Variants in NPHP4 observed in about 807,000 individuals in gnomAD.
NPHP4 encodes nephrocystin 4.
NPHP4 carries 151 observed loss-of-function variants against 155.8 expected under a neutral mutation model. The ratio of observed to expected loss-of-function variants is 0.97; its 90% confidence interval spans 0.85 to 1.11. NPHP4 has a LOEUF of 1.11. Among genes scored for constraint, NPHP4 ranks in the 50% least tolerant of loss-of-function variants. The probability of loss-of-function intolerance (pLI) is 0.00; values close to 1 mark genes in which losing one functional copy is unlikely to be tolerated. For missense variants in NPHP4, 1,956 were observed against 1,925.7 expected (o/e 1.02, Z -0.29); for synonymous variants, 845 against 816.8 (o/e 1.03, Z -0.59).
At chr1:5,924,234 G>T (rs549362913) in intron 11 of NPHP4, among the ~76,000 whole-genome samples, 46 of 152,230 alleles carry the variant, frequency 3.0e-4, no homozygotes, top group African/African-American at 1.0e-3. Flanking sequence ...GAGTATCAGC[G>T]AGCTGTGAGG....
intron 3 of NPHP4, among the ~76,000 whole-genome samples, chr1:5,976,638 G>C (rs1653640738): frequency 6.6e-6 from 1 of 152,206 alleles, no homozygotes; most frequent in African/African-American, 2.4e-5. Context: ...AGAGGTATTT[G>C]CATTAGCTGT....
At chr1:5,878,414 G>A (rs1642846871) in intron 19 of NPHP4, among the ~76,000 whole-genome samples, 1 of 152,230 alleles carries the variant, frequency 6.6e-6, no homozygotes, top group Non-Finnish European at 1.5e-5. Context: ...TGTGAGTGGA[G>A]GGACCTGGGG....
At chr1:5,866,742 G>A (rs1024932880) in intron 25 of NPHP4, among the ~76,000 whole-genome samples, 1 of 152,066 alleles carries the variant, frequency 6.6e-6, no homozygotes, top group African/African-American at 2.4e-5. Context: ...TTTACATAAT[G>A]GTAATTAATA....
At chr1:5,974,976 A>G (rs928614001) in intron 3 of NPHP4, among the ~76,000 whole-genome samples, 3 of 152,230 alleles carry the variant, frequency 2.0e-5, no homozygotes, top group Admixed American at 6.5e-5. Context: ...AACACAGGCA[A>G]TTAGTAAAGC....
chr1:5,971,680 C>A (rs187364196), intron 3 of NPHP4, among the ~76,000 whole-genome samples: 17 of 152,330 alleles, frequency 1.1e-4, no homozygotes, highest in Admixed American at 9.8e-4. Flanking sequence ...CTCAGCCAGG[C>A]AGCACCCAGC....
In NPHP4 at chr1:5,875,012, C is replaced by A. The variant is rs770493717; in HGVS notation, c.2906G>T (p.Ser969Ile). The change falls in exon 21 of 30, where the codon AGC becomes ATC. Residue 969 changes from serine (S) to isoleucine (I), a missense_variant. Coordinates refer to ENST00000378156, the MANE Select transcript of NPHP4 (RefSeq NM_015102.5). ...CGTGGTGATGGCCAGGCTCAGCAGG[C>A]TGGCGATGCTCTCGGCCTTCGTGCG... ...RERTKAESIA[S>I]LLSLAITTEH... 1.2e-6 allele frequency: 2 copies of A among 1,611,614 alleles called. No homozygotes were observed. The highest frequency in any genetic ancestry group is 8.5e-7 in the Non-Finnish European group (1 of 1,179,864).
Position 5,887,417 on chromosome 1 carries a change from T to C in NPHP4, c.2354A>G (p.Glu785Gly). The change falls in exon 18 of 30, where the codon GAG (glutamate) becomes GGG (glycine). Residue 785 changes from glutamate to glycine, a missense_variant. Glu to Gly is a moderately conservative substitution (Grantham distance 98). Coordinates refer to ENST00000378156, the MANE Select transcript of NPHP4 (RefSeq NM_015102.5). ...RPAVQASHELEVVATEYEQDN... is the reference protein window; with the variant it reads ...RPAVQASHELGVVATEYEQDN... ...CTGCTCGTATTCAGTTGCCACGACCTCAAGCTCGTGGGAGGCCTGCACAGC... is the reference window on the plus strand; with the variant it reads ...CTGCTCGTATTCAGTTGCCACGACCCCAAGCTCGTGGGAGGCCTGCACAGC... 6.2e-7 allele frequency: 1 copy of C among 1,613,302 alleles called. No homozygotes were observed. Among genetic ancestry groups the C allele is most frequent in the Non-Finnish European group, 8.5e-7 (1 of 1,179,884 alleles).
At chr1:5,953,765 C>A (rs1305873398) in intron 6 of NPHP4, among the ~76,000 whole-genome samples, 2 of 152,252 alleles carry the variant, frequency 1.3e-5, no homozygotes, top group Non-Finnish European at 2.9e-5. Flanking sequence ...GCCTTCTCCA[C>A]TTGCTCTAGA....
chr1:5,868,234 C>T (rs1176882149), intron 23 of NPHP4: 2 of 394,436 alleles, frequency 5.1e-6, no homozygotes, highest in Admixed American at 3.5e-5. Flanking sequence ...CATGATCCCA[C>T]CTCCCGACAC....
Position 5,863,917 on chromosome 1 carries a change from C to A in NPHP4, c.4113G>T (p.Leu1371=), listed in dbSNP as rs747099663. The part of the protein sequence containing the change: ...TFHLHSDHPE[L]LRFREDSFQV... Reference sequence around the variant, plus strand: ...GGAAGGAGTCCTCTCTGAACCGCAGCAGCTCCGGGTGGTCGCTGTGCAGGT... The same window carrying A: ...GGAAGGAGTCCTCTCTGAACCGCAGAAGCTCCGGGTGGTCGCTGTGCAGGT... Residue 1371 remains leucine (L), a synonymous_variant, in exon 29 of 30, where the codon CTG becomes CTT. Coordinates refer to ENST00000378156, the MANE Select transcript of NPHP4 (RefSeq NM_015102.5). The A allele has an allele frequency of 3.1e-6, 5 of 1,613,992 alleles. No individual in the cohort carries two copies. The East Asian group carries it at 1.1e-4, about 36-fold the overall frequency.
intron 9 of NPHP4, among the ~76,000 whole-genome samples, chr1:5,934,882 T>C (rs1646456233): frequency 1.3e-5 from 2 of 152,136 alleles, no homozygotes; most frequent in South Asian, 4.1e-4. Context: ...AAGACTCCAG[T>C]GGTGGTGGCC....
rs763652381 is a variant in NPHP4 at position 5,948,095 on chromosome 1, T to C, written c.967A>G (p.Lys323Glu). 1.2e-6 allele frequency: 2 copies of C among 1,613,790 alleles called. No homozygotes were observed. The highest frequency in any genetic ancestry group is 1.3e-5 in the African/African-American group (1 of 74,906). Residue 323 changes from lysine to glutamate, a missense_variant, in exon 8 of 30, where the codon AAA (lysine) becomes GAA (glutamate). Physicochemically the swap from Lys to Glu is moderately conservative, Grantham distance 56. Transcript: ENST00000378156. ...CTGGTCTTGGAAGAGGAGACCACTT[T>C]CCTGCTGAAGCTAGCTGAGCGCGTC... ...ALTRSASFSR[K>E]VVSSSKTSSG...
chr1:5,871,914 A>G (rs565877480), intron 23 of NPHP4, among the ~76,000 whole-genome samples: 6 of 152,368 alleles, frequency 3.9e-5, no homozygotes, highest in African/African-American at 1.2e-4. Flanking sequence ...TCAGAGATAC[A>G]CACTGCAGTA....
intron 11 of NPHP4, among the ~76,000 whole-genome samples, chr1:5,918,711 C>G (rs938450593): frequency 6.6e-6 from 1 of 152,184 alleles, no homozygotes. Context: ...AAATTAGTTA[C>G]AAACTTTATC....
rs549700344 is a variant in NPHP4, at chr1:5,873,480, G to A, written c.3232-145C>T. On this transcript the variant is annotated intron_variant, in intron 22 of 29. Transcript: ENST00000378156. ...CTCCAGGCAGCAACCATCACCAACC[G>A]GCCTCACTGTGCCAGAGAAGGCTGA... 69 of 683,400 alleles carry A rather than the reference G, an allele frequency of 1.0e-4. No individual in the cohort carries two copies. In the African/African-American group the frequency reaches 1.1e-3, roughly 10 times the overall value. The allele number at this position is 683,400 out of a possible 1,614,324, so 42.3% of individuals were successfully genotyped here.
chr1:5,962,735 G>A (rs1463813056), intron 5 of NPHP4, among the ~76,000 whole-genome samples: 1 of 152,260 alleles, frequency 6.6e-6, no homozygotes, highest in Admixed American at 6.5e-5. Context: ...GAGGAAAAAG[G>A]GCATGAAGGA....
At chr1:5,970,639 G>A (rs1364210399) in intron 3 of NPHP4, among the ~76,000 whole-genome samples, 1 of 152,064 alleles carries the variant, frequency 6.6e-6, no homozygotes, top group Non-Finnish European at 1.5e-5. Flanking sequence ...CACCCCAGCT[G>A]GGGGGCAAAG....
chr1:5,960,510 C>T (rs1406751843), intron 6 of NPHP4, among the ~76,000 whole-genome samples: 1 of 152,152 alleles, frequency 6.6e-6, no homozygotes, highest in African/African-American at 2.4e-5. Context: ...ACTCTCAGCA[C>T]AGCACTGCTC....
chr1:5,966,078 G>A (rs769974246), intron 5 of NPHP4, among the ~76,000 whole-genome samples: 21 of 152,116 alleles, frequency 1.4e-4, no homozygotes, highest in Non-Finnish European at 2.9e-4. Context: ...CTTCTGGCTG[G>A]AGGCTACACT....
Sources: allele counts gnomAD v4.1 joint callset (sites outside exome capture counted in the v4.1 genomes callset), GRCh38; gene constraint gnomAD v4.1.1; transcripts MANE v1.5; gene names NCBI Gene and HGNC (gene_info 2026-07-23, HGNC 2026-07-21).